Variants in CREB1 observed in about 807,000 individuals in gnomAD.
CREB1 encodes cyclic AMP-responsive element-binding protein 1.
Under a neutral mutation model 42.0 loss-of-function variants are expected in CREB1, and 2 were observed. The ratio of observed to expected loss-of-function variants is 0.05; its 90% CI spans 0.02 to 0.15. The LOEUF (loss-of-function observed/expected upper bound fraction) is 0.15, where lower values mean the gene tolerates loss of function less well. Ranked by LOEUF, CREB1 falls within the 10% of genes least tolerant of loss-of-function variation. CREB1 has a pLI of 1.00. For missense variants in CREB1, 199 were observed against 388.9 expected (o/e 0.51, Z 4.11); for synonymous variants, 123 against 139.9 (o/e 0.88, Z 0.85).
chr2:207,590,560 T>C (rs1379235923), intron 7 of CREB1, among the ~76,000 whole-genome samples: 1 of 152,132 alleles, frequency 6.6e-6, no homozygotes, highest in Non-Finnish European at 1.5e-5. Flanking sequence ...TATTAATATA[T>C]ACCTTTGTCT....
intron 7 of CREB1, 92 bp downstream of exon 7, chr2:207,577,747 T>C: frequency 6.7e-7 from 1 of 1,492,214 alleles, no homozygotes. Context: ...GGTAATAGGA[T>C]CTTTGCATTG....
chr2:207,552,635 T>C (rs999538894), intron 1 of CREB1, among the ~76,000 whole-genome samples: 1 of 150,780 alleles, frequency 6.6e-6, no homozygotes, highest in African/African-American at 2.4e-5. Context: ...TAAGACAGTC[T>C]TGCTCTGTCA....
chr2:207,561,219 ATTCT>A, intron 3 of CREB1: 1 of 1,390,068 alleles, frequency 7.2e-7, no homozygotes, highest in Non-Finnish European at 1.0e-6. Context: ...GTGAGAAATT[ATTCT>A]TTATGTCTTT....
At chr2:207,553,047 T>C (rs1411656083) in intron 1 of CREB1, among the ~76,000 whole-genome samples, 1 of 149,276 alleles carries the variant, frequency 6.7e-6, no homozygotes, top group African/African-American at 2.5e-5. Context: ...AAATTACGGA[T>C]AACTTACAGG....
At chr2:207,564,556 T>A (rs968150554) in intron 3 of CREB1, among the ~76,000 whole-genome samples, 3 of 151,388 alleles carry the variant, frequency 2.0e-5, no homozygotes, top group Non-Finnish European at 4.4e-5. Flanking sequence ...AAACCATGAG[T>A]CTCAACTCTA....
rs1434748682 is a variant in CREB1 at position 207,605,369 on chromosome 2, G to A, written c.*8311G>A. Reference sequence around the variant, plus strand: ...ATCTGCGTATCTTCTTTGAAGAAATGTCTGTTGAGGTCCTTTGTTCATTGA... The same window carrying A: ...ATCTGCGTATCTTCTTTGAAGAAATATCTGTTGAGGTCCTTTGTTCATTGA... On this transcript the variant is annotated 3_prime_UTR_variant, in exon 8 of 8. Transcript: ENST00000353267. 6.6e-6 allele frequency among the ~76,000 whole-genome samples: 1 copy of A among 152,170 alleles called. No individual in the cohort carries two copies. The highest frequency in any genetic ancestry group is 1.5e-5 in the Non-Finnish European group (1 of 68,032).
chr2:207,587,019 CTT>C (rs892119722), intron 7 of CREB1, among the ~76,000 whole-genome samples: 4 of 152,250 alleles, frequency 2.6e-5, no homozygotes, highest in East Asian at 3.9e-4. Flanking sequence ...CTTTCTAACT[CTT>C]TGTGTTAGAA....
Position 207,605,793 on chromosome 2 carries a change from C to T in CREB1, c.*8735C>T, listed in dbSNP as rs190625426. Reference sequence around the variant, plus strand: ...ACAGAGGTTGGTAACTAGGTCTACACAAGTTGTATCTCCAGGATACTGAGA... The same window carrying T: ...ACAGAGGTTGGTAACTAGGTCTACATAAGTTGTATCTCCAGGATACTGAGA... On this transcript the variant is annotated 3_prime_UTR_variant, in exon 8 of 8. Transcript: ENST00000353267. Among the ~76,000 whole-genome samples the T allele has an allele frequency of 2.2e-4, 34 of 152,310 alleles. No individual in the cohort carries two copies. Among genetic ancestry groups the T allele is most frequent in the Admixed American group, 1.4e-3 (21 of 15,298 alleles).
chr2:207,550,289 G>A (rs1292071267), intron 1 of CREB1: 1 of 149,532 alleles, frequency 6.7e-6, no homozygotes, highest in South Asian at 2.1e-4. Context: ...CCACTTGTTA[G>A]TGTGCAGGGA....
intron 7 of CREB1, among the ~76,000 whole-genome samples, chr2:207,594,189 CTG>C (rs748895511): frequency 5.3e-5 from 8 of 152,150 alleles, no homozygotes; most frequent in East Asian, 1.9e-4. Flanking sequence ...TATTTTTAAT[CTG>C]TGTTAGATTT....
rs537326535 is a variant in CREB1, at chr2:207,539,947, A to G, written c.-9+9813A>G. On this transcript the variant is annotated intron_variant, in intron 1 of 7. Coordinates refer to ENST00000353267, the MANE Select transcript of CREB1 (RefSeq NM_004379.5). ...TTTTGAGGAATGCTGAGTATGAGGC[A>G]GGGAGCTTTGAGTTTCATGTAAGAG... Among the ~76,000 whole-genome samples the G allele has an allele frequency of 6.6e-5, 10 of 152,352 alleles. No individual in the cohort carries two copies. In the South Asian group the frequency reaches 2.1e-3, roughly 32 times the overall value.
At chr2:207,565,897 G>T (rs1032322110) in intron 3 of CREB1, among the ~76,000 whole-genome samples, 55 of 152,176 alleles carry the variant, frequency 3.6e-4, no homozygotes, top group Non-Finnish European at 7.5e-4. Flanking sequence ...GAAAGTTTGT[G>T]CAGAGACTCT....
At chr2:207,587,956 A>G (rs2084194840) in intron 7 of CREB1, among the ~76,000 whole-genome samples, 1 of 152,234 alleles carries the variant, frequency 6.6e-6, no homozygotes. Context: ...TTGAATGTTC[A>G]CAACCCAACA....
chr2:207,576,115 T>A (rs977121127), intron 6 of CREB1, among the ~76,000 whole-genome samples: 14 of 151,650 alleles, frequency 9.2e-5, no homozygotes, highest in African/African-American at 2.7e-4. Flanking sequence ...TGCACTTGAC[T>A]CAGTTTTTGT....
At chr2:207,576,612 C>G in intron 6 of CREB1, 3 of 1,131,038 alleles carry the variant, frequency 2.7e-6, no homozygotes, top group Non-Finnish European at 3.6e-6. Context: ...AGTAAAACAC[C>G]TTTTCACTTT....
At chr2:207,543,161 T>G (rs532272935) in intron 1 of CREB1, among the ~76,000 whole-genome samples, 1 of 152,274 alleles carries the variant, frequency 6.6e-6, no homozygotes, top group South Asian at 2.1e-4. Flanking sequence ...TTGACTCTTA[T>G]GGGTTCAGCA....
At chr2:207,595,960 T>C (rs1336436727) in intron 7 of CREB1, among the ~76,000 whole-genome samples, 1 of 152,230 alleles carries the variant, frequency 6.6e-6, no homozygotes, top group African/African-American at 2.4e-5. Flanking sequence ...TGTCTTTCGA[T>C]GTGCAGAAGT....
chr2:207,571,678 T>A, intron 5 of CREB1: 2 of 449,196 alleles, frequency 4.5e-6, no homozygotes, highest in Admixed American at 2.4e-5. Context: ...TTTTAGTTAT[T>A]CAAGATATGT....
chr2:207,563,884 C>T (rs76750441), intron 3 of CREB1, among the ~76,000 whole-genome samples: 5,950 of 152,148 alleles, frequency 0.039, 155 homozygotes, highest in Admixed American at 0.072. Flanking sequence ...ACGGAGGTTG[C>T]GGTGAACCAA....
Sources: gnomAD v4.1 joint callset for allele counts (sites outside exome capture counted in the v4.1 genomes callset) on GRCh38, gnomAD v4.1.1 for gene constraint, MANE v1.5 for transcripts, NCBI Gene and HGNC (gene_info 2026-07-23, HGNC 2026-07-21) for gene names.